The following ANKDD1A variants were observed in gnomAD, a reference collection of about 807,000 sequenced individuals.
ANKDD1A encodes ankyrin repeat and death domain containing 1A, also known as ankyrin repeat and death domain-containing protein 1A.
ANKDD1A carries 59 observed loss-of-function variants against 63.5 expected under a neutral mutation model. That is an observed-to-expected ratio of 0.93 (90% confidence interval 0.75 to 1.15). The LOEUF (loss-of-function observed/expected upper bound fraction) is 1.15. Ranked by LOEUF, ANKDD1A falls within the 50% of genes most tolerant of loss-of-function variation. ANKDD1A has a pLI of 0.00. For missense variants in ANKDD1A, 632 were observed against 656.4 expected (o/e 0.96, Z 0.41); for synonymous variants, 266 against 263.9 (o/e 1.01, Z -0.08).
At chr15:64,948,996 T>C (rs1477482106) in intron 13 of ANKDD1A, among the ~76,000 whole-genome samples, 2 of 152,068 alleles carry the variant, frequency 1.3e-5, no homozygotes, top group Non-Finnish European at 2.9e-5. Context: ...AGTTAATAAA[T>C]GGTGTTGAGA....
chr15:64,929,310 A>T (rs2085070748), intron 6 of ANKDD1A, among the ~76,000 whole-genome samples: 1 of 152,128 alleles, frequency 6.6e-6, no homozygotes, highest in Non-Finnish European at 1.5e-5. Context: ...AGTATCTGGA[A>T]CTACAGGCAC....
intron 3 of ANKDD1A, among the ~76,000 whole-genome samples, chr15:64,918,816 T>C (rs553790624): frequency 6.6e-6 from 1 of 152,050 alleles, no homozygotes; most frequent in Admixed American, 6.5e-5. Flanking sequence ...TAGCTGGGTG[T>C]GGTGGCACAC....
At chr15:64,928,755 C>T (rs1221646936) in intron 6 of ANKDD1A, among the ~76,000 whole-genome samples, 1 of 152,210 alleles carries the variant, frequency 6.6e-6, no homozygotes, top group East Asian at 1.9e-4. Flanking sequence ...GCTGGACATC[C>T]CCAAGGTGGA....
At chr15:64,926,711 G>A (rs111270243) in intron 5 of ANKDD1A, among the ~76,000 whole-genome samples, 190 bp from the exon 6 acceptor site, 18 of 152,308 alleles carry the variant, frequency 1.2e-4, no homozygotes, top group African/African-American at 4.3e-4. Context: ...CCCAGCAAGT[G>A]TCTCTTGTTG....
chr15:64,952,937 CTCT>C (rs2085325744), intron 14 of ANKDD1A, among the ~76,000 whole-genome samples: 1 of 50,272 alleles, frequency 2.0e-5, no homozygotes, highest in Non-Finnish European at 5.5e-5. Flanking sequence ...GTTCTTCTTC[CTCT>C]TCTTCCTTCT....
intron 4 of ANKDD1A, among the ~76,000 whole-genome samples, chr15:64,923,335 C>G (rs2085021497): frequency 6.6e-6 from 1 of 152,136 alleles, no homozygotes; most frequent in South Asian, 2.1e-4. Context: ...ATTGCCAACC[C>G]AATTTAGAGT....
chr15:64,926,946 G>C lies in ANKDD1A; in HGVS notation c.517G>C (p.Asp173His), dbSNP rs757802548. Residue 173 changes from aspartate to histidine, a missense_variant, in exon 6 of 15, where the codon GAT (aspartate) becomes CAT (histidine). Asp to His is a moderately conservative substitution (Grantham distance 81). Coordinates refer to ENST00000319580, the MANE Select transcript of ANKDD1A (RefSeq NM_182703.6). Reference protein sequence around the residue: ...FHRAAEHGQLDALDFLVGSGC... With the variant: ...FHRAAEHGQLHALDFLVGSGC... ...CAGGGCAGCTGAGCACGGGCAGCTG[G>C]ATGCTCTGGACTTCCTCGTGGGCTC... 7 of 1,614,194 alleles carry C rather than the reference G, an allele frequency of 4.3e-6. No homozygotes were observed. Among genetic ancestry groups the C allele is most frequent in the Non-Finnish European group, 5.9e-6 (7 of 1,180,044 alleles).
chr15:64,956,532 G>A (rs761487034), intron 14 of ANKDD1A, among the ~76,000 whole-genome samples: 10 of 149,098 alleles, frequency 6.7e-5, no homozygotes, highest in African/African-American at 1.7e-4. Context: ...CAGCCTGGGC[G>A]ACAGAGCAAG....
At chr15:64,931,950 A>G (rs912110164) in intron 8 of ANKDD1A, 3 of 343,466 alleles carry the variant, frequency 8.7e-6, no homozygotes, top group South Asian at 6.7e-5. Context: ...CTGAAGTGCA[A>G]TGGTGCGATC....
At position 64,953,644 on chromosome 15, in the gene ANKDD1A, T is replaced by TTTC. The variant is rs2085353006; in HGVS notation, c.1484-3458_1484-3457insTCT. On this transcript the variant is annotated intron_variant, in intron 14 of 14. Coordinates refer to ENST00000319580, the MANE Select transcript of ANKDD1A (RefSeq NM_182703.6). Reference sequence around the variant, plus strand: ...TTCTTCTTCTTCCTTCTTCTTCCTCTTCCTTCTCCTTCTTTTCTTTCTTCT... The same window carrying TTTC: ...TTCTTCTTCTTCCTTCTTCTTCCTCTTTCTCCTTCTCCTTCTTTTCTTTCTTCT... Among the ~76,000 whole-genome samples the TTTC allele has an allele frequency of 7.4e-5, 5 of 67,236 alleles. No individual in the cohort carries two copies. In the East Asian group the frequency reaches 1.4e-3, roughly 18 times the overall value. The allele number at this position is 67,236 out of a possible 152,430, so 44.1% of individuals were successfully genotyped here.
At chr15:64,930,675 C>T (rs190860634) in intron 6 of ANKDD1A, 147 bp from the exon 7 acceptor site, 94 of 678,134 alleles carry the variant, frequency 1.4e-4, no homozygotes, top group Non-Finnish European at 2.3e-4. Context: ...GGGCTTGGCC[C>T]TTGAATCTGC....
At chr15:64,926,863 G>C (rs2085048768) in intron 5 of ANKDD1A, 38 bp from the exon 6 acceptor site, 2 of 1,610,480 alleles carry the variant, frequency 1.2e-6, no homozygotes, top group Non-Finnish European at 1.7e-6. Flanking sequence ...CCCACTGACA[G>C]AGTGAGGAAG....
At chr15:64,926,654 T>A (rs1271638496) in intron 5 of ANKDD1A, among the ~76,000 whole-genome samples, 1 of 152,056 alleles carries the variant, frequency 6.6e-6, no homozygotes, top group Non-Finnish European at 1.5e-5. Context: ...ATCTGTTTAT[T>A]CATTAGGCAG....
intron 9 of ANKDD1A, among the ~76,000 whole-genome samples, chr15:64,938,445 C>T (rs2085153037): frequency 6.6e-6 from 1 of 152,166 alleles, no homozygotes; most frequent in South Asian, 2.1e-4. Context: ...CCCCCAAACT[C>T]CTAACCCCAG....
intron 12 of ANKDD1A, 53 bp from the exon 13 acceptor site, chr15:64,947,351 C>A: frequency 6.3e-7 from 1 of 1,578,320 alleles, no homozygotes; most frequent in East Asian, 2.3e-5. Context: ...CGGCACTGCC[C>A]CTGTCTGGGA....
chr15:64,951,564 C>CTTCT (rs1555366917), intron 14 of ANKDD1A: 1 of 122,688 alleles, frequency 8.2e-6, no homozygotes. Flanking sequence ...CTTTCTTTTT[C>CTTCT]TTTTCTTTCT....
chr15:64,944,516 A>G, intron 11 of ANKDD1A, 136 bp from the exon 12 acceptor site: 2 of 717,180 alleles, frequency 2.8e-6, no homozygotes, highest in Non-Finnish European at 4.5e-6. Flanking sequence ...CCAGAAAACC[A>G]GAAAACCTTT....
intron 12 of ANKDD1A, among the ~76,000 whole-genome samples, chr15:64,945,870 G>C (rs2085219288): frequency 6.6e-6 from 1 of 151,602 alleles, no homozygotes; most frequent in Non-Finnish European, 1.5e-5. Flanking sequence ...CTGACCTTGT[G>C]ATCTGCCCAC....
chr15:64,927,602 CT>C (rs5813333), intron 6 of ANKDD1A, among the ~76,000 whole-genome samples: 9,052 of 130,548 alleles, frequency 0.069, 574 homozygotes, highest in African/African-American at 0.26. Context: ...AGCAAATTCC[CT>C]TTTTTTTTTT....
Sources: gnomAD v4.1 joint callset for allele counts (sites outside exome capture counted in the v4.1 genomes callset) on GRCh38, gnomAD v4.1.1 for gene constraint, MANE v1.5 for transcripts, NCBI Gene and HGNC (gene_info 2026-07-23, HGNC 2026-07-21) for gene names.